The following ADGRL3 variants were observed in gnomAD, a reference collection of about 807,000 sequenced individuals.
ADGRL3 encodes calcium-independent alpha-latrotoxin receptor 3.
ADGRL3 carries 62 observed loss-of-function variants against 153.5 expected under a neutral mutation model. That is an observed-to-expected ratio of 0.40 (90% CI 0.33 to 0.50). The LOEUF is 0.50. Among genes scored for constraint, ADGRL3 ranks in the 20% least tolerant of loss-of-function variants. ADGRL3 has a pLI of 0.47. For missense variants in ADGRL3, 1,641 were observed against 1,859.4 expected, an observed-to-expected ratio of 0.88 and a Z score of 2.16; for synonymous variants, 710 against 672.5, an observed-to-expected ratio of 1.06 and a Z score of -0.86.
intron 5 of ADGRL3, among the ~76,000 whole-genome samples, chr4:61,590,343 AT>A (rs2098964387): frequency 6.6e-6 from 1 of 151,726 alleles, no homozygotes; most frequent in East Asian, 2.0e-4. Context: ...AATGGTTTCT[AT>A]TTCTTTTTGT....
chr4:61,399,586 A>C (rs2096906842), intron 2 of ADGRL3, among the ~76,000 whole-genome samples: 1 of 151,676 alleles, frequency 6.6e-6, no homozygotes, highest in Non-Finnish European at 1.5e-5. Flanking sequence ...TAGTAAGAGA[A>C]ATGTCACTCT....
At chr4:61,549,660 T>C (rs2098731356) in intron 4 of ADGRL3, among the ~76,000 whole-genome samples, 1 of 152,030 alleles carries the variant, frequency 6.6e-6, no homozygotes, top group Admixed American at 6.6e-5. Flanking sequence ...AAATTTTACT[T>C]TATTCCTCTA....
chr4:61,827,323 A>G (rs949161508), intron 9 of ADGRL3, among the ~76,000 whole-genome samples: 2 of 152,148 alleles, frequency 1.3e-5, no homozygotes, highest in African/African-American at 2.4e-5. Flanking sequence ...CTGTTAATCT[A>G]TTGCCAAGGT....
At chr4:61,442,854 G>GT (rs1344013653) in intron 2 of ADGRL3, among the ~76,000 whole-genome samples, 1 of 152,032 alleles carries the variant, frequency 6.6e-6, no homozygotes, top group Non-Finnish European at 1.5e-5. Context: ...TTTTATTATA[G>GT]TTTTTCCTTT....
intron 19 of ADGRL3, among the ~76,000 whole-genome samples, chr4:61,995,209 C>CT (rs35822057): frequency 0.24 from 35,698 of 147,986 alleles, 4,255 homozygotes; most frequent in East Asian, 0.35. Flanking sequence ...CAGCCCCCAA[C>CT]TTTTTTTTTT....
intron 13 of ADGRL3, among the ~76,000 whole-genome samples, chr4:61,925,873 G>A (rs539281763): frequency 1.3e-5 from 2 of 152,202 alleles, no homozygotes; most frequent in East Asian, 1.9e-4. Flanking sequence ...TAAGCTTCAG[G>A]CCATCTGAAT....
chr4:61,417,162 G>A (rs1056174457), intron 2 of ADGRL3, among the ~76,000 whole-genome samples: 11 of 152,152 alleles, frequency 7.2e-5, no homozygotes, highest in Non-Finnish European at 1.3e-4. Context: ...CCATGGGCCA[G>A]TACGTGGCCT....
intron 1 of ADGRL3, among the ~76,000 whole-genome samples, chr4:61,220,208 GA>G (rs1437166042): frequency 6.6e-6 from 1 of 152,010 alleles, no homozygotes; most frequent in Non-Finnish European, 1.5e-5. Flanking sequence ...ATTTGGTTAT[GA>G]AAATGAGATT....
intron 4 of ADGRL3, among the ~76,000 whole-genome samples, chr4:61,586,451 C>A (rs979505857): frequency 6.6e-6 from 1 of 151,978 alleles, no homozygotes; most frequent in Non-Finnish European, 1.5e-5. Flanking sequence ...AGATTTCCAT[C>A]ATATATCATT....
chr4:61,484,618 T>C (rs943792849), intron 2 of ADGRL3, among the ~76,000 whole-genome samples: 3 of 152,166 alleles, frequency 2.0e-5, no homozygotes, highest in African/African-American at 4.8e-5. Context: ...TGAAATAATG[T>C]CATCAGCGTA....
chr4:61,909,044 A>T (rs2149804967), intron 11 of ADGRL3, among the ~76,000 whole-genome samples: 1 of 152,292 alleles, frequency 6.6e-6, no homozygotes, highest in African/African-American at 2.4e-5. Context: ...TGGGAGCAAA[A>T]TTCCTTATAC....
intron 2 of ADGRL3, among the ~76,000 whole-genome samples, chr4:61,429,091 T>A (rs999118075): frequency 2.0e-4 from 30 of 152,166 alleles, no homozygotes; most frequent in African/African-American, 7.2e-4. Context: ...AAGCTTGTAT[T>A]CTGTTCTCCA....
At chr4:61,657,347 G>A (rs146231077) in intron 5 of ADGRL3, among the ~76,000 whole-genome samples, 2 of 152,042 alleles carry the variant, frequency 1.3e-5, no homozygotes, top group East Asian at 3.9e-4. Flanking sequence ...TCCCCCAAGA[G>A]CCCCAATTGC....
intron 1 of ADGRL3, among the ~76,000 whole-genome samples, chr4:61,381,991 T>TA (rs1199370011): frequency 6.6e-6 from 1 of 151,960 alleles, no homozygotes; most frequent in Non-Finnish European, 1.5e-5. Flanking sequence ...CTGAACAAAA[T>TA]ATAACGCTTT....
rs1476103520 is a variant in ADGRL3 at position 62,073,354 on chromosome 4, G to A, written c.*2446G>A. On this transcript the variant is annotated 3_prime_UTR_variant, in exon 27 of 27. Coordinates refer to ENST00000683033, the MANE Select transcript of ADGRL3 (RefSeq NM_001387552.1). Reference sequence around the variant, plus strand: ...TTTATGTTAGAGGAGAATCACAAGCGTTAATGATAATTAGGTTTTCTCACA... The same window carrying A: ...TTTATGTTAGAGGAGAATCACAAGCATTAATGATAATTAGGTTTTCTCACA... 2.0e-5 allele frequency: 3 copies of A among 151,962 alleles called. No homozygotes were observed. Among genetic ancestry groups the A allele is most frequent in the Non-Finnish European group, 2.9e-5 (2 of 67,974 alleles). 9.4% of individuals were successfully genotyped at this position (151,962 alleles called of 1,614,324 possible). A position where few individuals can be genotyped will look rare whatever the true frequency, so the allele number is the denominator to read the frequency against.
intron 2 of ADGRL3, among the ~76,000 whole-genome samples, chr4:61,428,906 T>TC (rs756869343): frequency 1.4e-4 from 20 of 143,626 alleles, no homozygotes; most frequent in African/African-American, 1.7e-4. Context: ...TCTATCTATC[T>TC]ATCTATCTAT....
chr4:62,073,443 G>A lies in ADGRL3; in HGVS notation c.*2535G>A, dbSNP rs1334552577. On this transcript the variant is annotated 3_prime_UTR_variant, in exon 27 of 27. Transcript: ENST00000683033. ...CCCACCCGATACATAGAATACATTT[G>A]GCAATAAAAGAATCCTTTTTAGATG... is the stretch of plus-strand genomic sequence containing the variant. The A allele has an allele frequency of 6.6e-6, 1 of 152,018 alleles. No individual in the cohort carries two copies. Among genetic ancestry groups the A allele is most frequent in the African/African-American group, 2.4e-5 (1 of 41,414 alleles). The allele number at this position is 152,018 out of a possible 1,614,324, so 9.4% of individuals were successfully genotyped here.
chr4:61,746,484 G>T (rs947558814), intron 8 of ADGRL3, among the ~76,000 whole-genome samples: 7 of 152,012 alleles, frequency 4.6e-5, no homozygotes, highest in Non-Finnish European at 8.8e-5. Flanking sequence ...AAATGTAAAA[G>T]AACAGAAATT....
intron 5 of ADGRL3, among the ~76,000 whole-genome samples, chr4:61,606,770 T>A (rs939612140): frequency 2.6e-5 from 4 of 152,092 alleles, no homozygotes; most frequent in Non-Finnish European, 4.4e-5. Context: ...AATAAATTCT[T>A]GCATTAGGAG....
Sources: allele counts gnomAD v4.1 joint callset (sites outside exome capture counted in the v4.1 genomes callset), GRCh38; gene constraint gnomAD v4.1.1; transcripts MANE v1.5; gene names NCBI Gene and HGNC (gene_info 2026-07-23, HGNC 2026-07-21).